MACROD2: variants seen among roughly 807,000 people sequenced by gnomAD.
The protein encoded by MACROD2 is ADP-ribose glycohydrolase MACROD2.
A neutral mutation model predicts 70.4 loss-of-function variants in MACROD2; 36 were observed. The ratio of observed to expected loss-of-function variants is 0.51; its 90% CI spans 0.39 to 0.68. MACROD2 has a LOEUF of 0.68. Among genes scored for constraint, MACROD2 ranks in the 30% least tolerant of loss-of-function variants. The probability of loss-of-function intolerance (pLI) is 0.00; values close to 1 mark genes in which losing one functional copy is unlikely to be tolerated. For missense variants in MACROD2, 496 were observed against 538.4 expected (o/e 0.92, Z 0.78); for synonymous variants, 172 against 178.8 (o/e 0.96, Z 0.30).
At chr20:14,630,897 GT>G (rs1398685396) in intron 4 of MACROD2, among the ~76,000 whole-genome samples, 1 of 151,788 alleles carries the variant, frequency 6.6e-6, no homozygotes, top group Non-Finnish European at 1.5e-5. Flanking sequence ...CTTGAGTTTT[GT>G]TTTTGTTTTT....
At chr20:14,388,847 A>G (rs1467578883) in intron 3 of MACROD2, among the ~76,000 whole-genome samples, 1 of 152,120 alleles carries the variant, frequency 6.6e-6, no homozygotes, top group Non-Finnish European at 1.5e-5. Context: ...TGAAAAATAC[A>G]TGAGAACTGA....
At chr20:15,289,003 T>G (rs1177952238) in intron 6 of MACROD2, among the ~76,000 whole-genome samples, 2 of 152,110 alleles carry the variant, frequency 1.3e-5, no homozygotes, top group Non-Finnish European at 2.9e-5. Context: ...AAGGGTCTGG[T>G]TGGTCCAACT....
chr20:14,276,100 C>A (rs2082252495), intron 3 of MACROD2, among the ~76,000 whole-genome samples: 1 of 151,972 alleles, frequency 6.6e-6, no homozygotes, highest in Non-Finnish European at 1.5e-5. Flanking sequence ...CTAGAAATAC[C>A]ATTTGACCCA....
At chr20:14,491,068 A>G (rs2084787975) in intron 3 of MACROD2, among the ~76,000 whole-genome samples, 1 of 152,180 alleles carries the variant, frequency 6.6e-6, no homozygotes, top group South Asian at 2.1e-4. Flanking sequence ...TTAATTTTAG[A>G]CACACAAAAG....
intron 3 of MACROD2, among the ~76,000 whole-genome samples, chr20:14,202,156 A>G (rs2081485187): frequency 6.6e-6 from 1 of 152,192 alleles, no homozygotes; most frequent in African/African-American, 2.4e-5. Flanking sequence ...CTGCATATTA[A>G]AATGAGTGGC....
chr20:15,225,118 C>G (rs899446574), intron 5 of MACROD2, among the ~76,000 whole-genome samples: 1 of 151,696 alleles, frequency 6.6e-6, no homozygotes, highest in African/African-American at 2.4e-5. Context: ...TCATTTAAAC[C>G]CTATATTTAT....
At chr20:14,268,484 G>A (rs1212631323) in intron 3 of MACROD2, among the ~76,000 whole-genome samples, 2 of 151,998 alleles carry the variant, frequency 1.3e-5, no homozygotes, top group Non-Finnish European at 2.9e-5. Flanking sequence ...TATATTTCTT[G>A]TAAACAAGAA....
At position 14,910,254 on chromosome 20, in the gene MACROD2, G is replaced by A. The variant is rs773231518; in HGVS notation, c.418+225295G>A. 5.9e-5 allele frequency among the ~76,000 whole-genome samples: 9 copies of A among 152,110 alleles called. No homozygotes were observed. In the South Asian group the frequency reaches 6.2e-4, roughly 11 times the overall value. On this transcript the variant is annotated intron_variant, in intron 5 of 17. Coordinates refer to ENST00000684519, the MANE Select transcript of MACROD2 (RefSeq NM_001351661.2). ...TAAAAGAATGTTGGCTATGCACTTCGCGCTTACACATTAATATAGAGCCCA... is the reference window on the plus strand; with the variant it reads ...TAAAAGAATGTTGGCTATGCACTTCACGCTTACACATTAATATAGAGCCCA...
chr20:14,665,955 G>C (rs59443353), intron 4 of MACROD2, among the ~76,000 whole-genome samples: 194 of 152,146 alleles, frequency 1.3e-3, no homozygotes, highest in African/African-American at 4.3e-3. Context: ...ACTTTCAACA[G>C]AAACTGTCAA....
intron 5 of MACROD2, among the ~76,000 whole-genome samples, chr20:15,061,439 G>A (rs2075532125): frequency 6.6e-6 from 1 of 152,166 alleles, no homozygotes; most frequent in African/African-American, 2.4e-5. Flanking sequence ...TCTTCAGTGG[G>A]TTTGAGCTCT....
intron 5 of MACROD2, among the ~76,000 whole-genome samples, chr20:14,827,305 C>T (rs796753025): frequency 5.4e-4 from 82 of 152,138 alleles, no homozygotes; most frequent in African/African-American, 1.6e-3. Flanking sequence ...TCACAGCGAC[C>T]GCATTAAGTA....
chr20:15,764,622 T>C (rs2051492582), intron 8 of MACROD2, among the ~76,000 whole-genome samples: 1 of 152,194 alleles, frequency 6.6e-6, no homozygotes, highest in Non-Finnish European at 1.5e-5. Context: ...AAAATACGTC[T>C]TCTTCCGATG....
intron 8 of MACROD2, among the ~76,000 whole-genome samples, chr20:15,841,961 C>A (rs993797319): frequency 2.0e-5 from 3 of 151,980 alleles, no homozygotes; most frequent in Non-Finnish European, 2.9e-5. Flanking sequence ...AAATAGGAAG[C>A]AAAGACCAGG....
At chr20:14,106,345 C>G (rs1180164306) in intron 3 of MACROD2, among the ~76,000 whole-genome samples, 1 of 152,192 alleles carries the variant, frequency 6.6e-6, no homozygotes, top group Non-Finnish European at 1.5e-5. Context: ...GAAGGAAGGA[C>G]TTTATCTTGT....
intron 5 of MACROD2, among the ~76,000 whole-genome samples, chr20:14,799,159 T>C (rs2072544926): frequency 6.6e-6 from 1 of 152,066 alleles, no homozygotes; most frequent in Non-Finnish European, 1.5e-5. Context: ...AACTTAATAC[T>C]ATTTTATCCT....
chr20:15,117,230 T>C (rs1054329507), intron 5 of MACROD2, among the ~76,000 whole-genome samples: 2 of 152,144 alleles, frequency 1.3e-5, no homozygotes, highest in African/African-American at 4.8e-5. Flanking sequence ...AGTCAACAAC[T>C]GAAGAGTAGA....
In MACROD2 at chr20:15,898,351, A is replaced by T. The variant is rs531228240; in HGVS notation, c.775+12540A>T. On this transcript the variant is annotated intron_variant, in intron 10 of 17. Coordinates refer to ENST00000684519, the MANE Select transcript of MACROD2 (RefSeq NM_001351661.2). ...GATCACTTGAGGTCAGGAGTTCCAG[A>T]CCAACCTGGCCAACATGGTGAAACC... Among the ~76,000 whole-genome samples the T allele has an allele frequency of 1.9e-4, 29 of 152,182 alleles. No individual in the cohort carries two copies. In the East Asian group the frequency reaches 3.9e-3, roughly 20 times the overall value.
intron 8 of MACROD2, among the ~76,000 whole-genome samples, chr20:15,683,484 T>G (rs1357263401): frequency 2.6e-5 from 4 of 152,220 alleles, no homozygotes; most frequent in Admixed American, 6.5e-5. Flanking sequence ...AAAATTAACA[T>G]AACCCTGTAT....
At chr20:14,685,403 A>G (rs1334998252) in intron 5 of MACROD2, among the ~76,000 whole-genome samples, 2 of 152,212 alleles carry the variant, frequency 1.3e-5, no homozygotes, top group Non-Finnish European at 2.9e-5. Context: ...GCTGCCATGT[A>G]AAGGCTGATT....
Sources: gnomAD v4.1 joint callset for allele counts (sites outside exome capture counted in the v4.1 genomes callset) on GRCh38, gnomAD v4.1.1 for gene constraint, MANE v1.5 for transcripts, NCBI Gene and HGNC (gene_info 2026-07-23, HGNC 2026-07-21) for gene names.